DNM3: variants seen among roughly 807,000 people sequenced by gnomAD.
DNM3 encodes dynamin-3.
DNM3 carries 47 observed loss-of-function variants against 101.6 expected under a neutral mutation model. The ratio of observed to expected loss-of-function variants is 0.46; its 90% CI spans 0.37 to 0.59. The LOEUF (loss-of-function observed/expected upper bound fraction) is 0.59. Ranked by LOEUF, DNM3 falls within the 20% of genes least tolerant of loss-of-function variation. The probability of loss-of-function intolerance (pLI) is 0.00; values close to 1 mark genes in which losing one functional copy is unlikely to be tolerated. For synonymous variants in DNM3, 385 were observed against 387.9 expected (o/e 0.99, Z 0.09); for missense variants, 849 against 1,085.7 (o/e 0.78, Z 3.06).
chr1:172,015,466 C>T (rs570032510), intron 4 of DNM3, among the ~76,000 whole-genome samples: 1 of 152,090 alleles, frequency 6.6e-6, no homozygotes, highest in Admixed American at 6.5e-5. Context: ...TGTAGTTTTC[C>T]TCATACGGAT....
chr1:172,069,922 G>C (rs2052020245), intron 11 of DNM3, among the ~76,000 whole-genome samples: 1 of 152,048 alleles, frequency 6.6e-6, no homozygotes, highest in Admixed American at 6.6e-5. Flanking sequence ...AAAAGAGAGA[G>C]GAAAAAACCA....
intron 1 of DNM3, among the ~76,000 whole-genome samples, chr1:171,842,591 C>T (rs1472735838): frequency 1.3e-5 from 2 of 152,144 alleles, no homozygotes; most frequent in Non-Finnish European, 2.9e-5. Context: ...CCATGTCATT[C>T]CTGCATCATC....
chr1:172,244,442 C>T lies in DNM3; in HGVS notation c.1660-9131C>T, dbSNP rs2061870469. ...AACCTACAAAATGGGAGAAAATTTTCGCAACCTACTCATCTGACAAAGGGC... is the reference window on the plus strand; with the variant it reads ...AACCTACAAAATGGGAGAAAATTTTTGCAACCTACTCATCTGACAAAGGGC... On this transcript the variant is annotated intron_variant, in intron 14 of 20. Coordinates refer to ENST00000627582, the MANE Select transcript of DNM3 (RefSeq NM_015569.5). 5.9e-5 allele frequency among the ~76,000 whole-genome samples: 9 copies of T among 151,584 alleles called. No individual in the cohort carries two copies. In the South Asian group the frequency reaches 1.9e-3, roughly 32 times the overall value.
chr1:171,971,035 T>C (rs971495202), intron 2 of DNM3, among the ~76,000 whole-genome samples: 1 of 152,102 alleles, frequency 6.6e-6, no homozygotes, highest in African/African-American at 2.4e-5. Flanking sequence ...TTAAATTCTT[T>C]CTGTGCATTA....
intron 1 of DNM3, among the ~76,000 whole-genome samples, chr1:171,880,972 AT>A (rs2036220667): frequency 6.6e-6 from 1 of 152,050 alleles, no homozygotes; most frequent in African/African-American, 2.4e-5. Flanking sequence ...ATAGACTTTA[AT>A]TATTTTGTGG....
intron 14 of DNM3, among the ~76,000 whole-genome samples, chr1:172,224,213 A>G (rs1481965561): frequency 6.6e-6 from 1 of 152,186 alleles, no homozygotes; most frequent in Non-Finnish European, 1.5e-5. Flanking sequence ...GTGTCTTATC[A>G]CATTTATATC....
At chr1:171,991,011 G>A (rs1174269924) in intron 4 of DNM3, among the ~76,000 whole-genome samples, 1 of 152,058 alleles carries the variant, frequency 6.6e-6, no homozygotes, top group Non-Finnish European at 1.5e-5. Flanking sequence ...TGTCTGATTG[G>A]GACAGAGAGA....
chr1:171,882,343 C>CA (rs3051601), intron 1 of DNM3, among the ~76,000 whole-genome samples: 28,406 of 110,374 alleles, frequency 0.26, 5,342 homozygotes, highest in East Asian at 0.5. Flanking sequence ...AACTCCGTCT[C>CA]AAAAAAAAAA....
intron 15 of DNM3, among the ~76,000 whole-genome samples, chr1:172,299,226 A>C (rs2064319066): frequency 6.6e-6 from 1 of 152,228 alleles, no homozygotes; most frequent in Non-Finnish European, 1.5e-5. Flanking sequence ...GAAAGAGCAA[A>C]GTGTTCAAAG....
At chr1:172,186,095 G>A (rs988740113) in intron 14 of DNM3, among the ~76,000 whole-genome samples, 1 of 152,114 alleles carries the variant, frequency 6.6e-6, no homozygotes, top group Non-Finnish European at 1.5e-5. Context: ...AAGGAGAAAT[G>A]TGATTTTAAC....
At chr1:172,269,915 C>A (rs1454491458) in intron 15 of DNM3, among the ~76,000 whole-genome samples, 1 of 152,022 alleles carries the variant, frequency 6.6e-6, no homozygotes, top group African/African-American at 2.4e-5. Flanking sequence ...CTGGGCCCAG[C>A]CTGAAGGAAA....
At chr1:172,267,012 T>C (rs2062884841) in intron 15 of DNM3, among the ~76,000 whole-genome samples, 1 of 152,196 alleles carries the variant, frequency 6.6e-6, no homozygotes, top group South Asian at 2.1e-4. Flanking sequence ...CTGGTGGCAC[T>C]CAGGCATGAG....
At chr1:172,074,488 C>G (rs1480400224) in intron 11 of DNM3, among the ~76,000 whole-genome samples, 1 of 151,966 alleles carries the variant, frequency 6.6e-6, no homozygotes. Context: ...CACAACAGGC[C>G]CTGGTGTGTG....
chr1:172,122,553 A>C (rs890414349), intron 13 of DNM3, among the ~76,000 whole-genome samples: 6 of 152,158 alleles, frequency 3.9e-5, no homozygotes, highest in African/African-American at 1.4e-4. Context: ...TTTTTCCCAC[A>C]TCATGTACTA....
chr1:172,387,667 A>C (rs1558075678), intron 19 of DNM3, among the ~76,000 whole-genome samples: 1 of 151,692 alleles, frequency 6.6e-6, no homozygotes, highest in Non-Finnish European at 1.5e-5. Flanking sequence ...CAAAAAAAAA[A>C]AAGAAGATGG....
chr1:172,296,636 G>A (rs1319246792), intron 15 of DNM3, among the ~76,000 whole-genome samples: 1 of 152,174 alleles, frequency 6.6e-6, no homozygotes, highest in Non-Finnish European at 1.5e-5. Flanking sequence ...TCCTGGTGAT[G>A]TCACACCTCC....
Position 172,409,749 on chromosome 1 carries a change from T to C in DNM3, c.*1908T>C, listed in dbSNP as rs1342068029. On this transcript the variant is annotated 3_prime_UTR_variant, in exon 21 of 21. Transcript: ENST00000627582. Reference sequence around the variant, plus strand: ...ATCTTTTTATAAAACTTCTTGTTTTTAGGATTCCCTTTGCTTCTTCCTTTG... The same window carrying C: ...ATCTTTTTATAAAACTTCTTGTTTTCAGGATTCCCTTTGCTTCTTCCTTTG... 1.0e-6 allele frequency: 1 copy of C among 985,492 alleles called. No individual in the cohort carries two copies. The highest frequency in any genetic ancestry group is 1.2e-6 in the Non-Finnish European group (1 of 829,782). The allele number at this position is 985,492 out of a possible 1,614,324, so 61.0% of individuals were successfully genotyped here. A position where few individuals can be genotyped will look rare whatever the true frequency, so the allele number is the denominator to read the frequency against.
chr1:172,317,254 T>C (rs963710864), intron 16 of DNM3, among the ~76,000 whole-genome samples: 1 of 150,196 alleles, frequency 6.7e-6, no homozygotes, highest in African/African-American at 2.5e-5. Context: ...TAGAGGGAAA[T>C]TTATAGCACT....
At chr1:172,106,606 G>A (rs1026206385) in intron 13 of DNM3, among the ~76,000 whole-genome samples, 3 of 151,876 alleles carry the variant, frequency 2.0e-5, no homozygotes, top group Non-Finnish European at 2.9e-5. Flanking sequence ...TTTAAAAAAA[G>A]AAATTTTCAA....
Sources: gnomAD v4.1 joint callset for allele counts (sites outside exome capture counted in the v4.1 genomes callset) on GRCh38, gnomAD v4.1.1 for gene constraint, MANE v1.5 for transcripts, NCBI Gene and HGNC (gene_info 2026-07-23, HGNC 2026-07-21) for gene names.